The following ZNF831 variants were observed in gnomAD, a reference collection of about 807,000 sequenced individuals.
The protein encoded by ZNF831 is zinc finger protein 831.
Under a neutral mutation model 95.8 loss-of-function variants are expected in ZNF831, and 59 were observed. That is an observed-to-expected ratio of 0.62 (90% confidence interval 0.50 to 0.77). The LOEUF (loss-of-function observed/expected upper bound fraction) is 0.77, where lower values mean the gene tolerates loss of function less well. Among genes scored for constraint, ZNF831 ranks in the 30% least tolerant of loss-of-function variants. The pLI, the probability that ZNF831 is intolerant of heterozygous loss-of-function variation, is 0.00. For synonymous variants in ZNF831, 961 were observed against 925.5 expected, an observed-to-expected ratio of 1.04 and a Z score of -0.70; for missense variants, 2,205 against 2,164.0, an observed-to-expected ratio of 1.02 and a Z score of -0.38.
chr20:59,137,965 C>T (rs1274290667), intron 1 of ZNF831, among the ~76,000 whole-genome samples: 1 of 152,178 alleles, frequency 6.6e-6, no homozygotes, highest in Non-Finnish European at 1.5e-5. Flanking sequence ...TACCTGCTTT[C>T]AGAAATGCAT....
chr20:59,155,084 C>T (rs1279067514), intron 2 of ZNF831, among the ~76,000 whole-genome samples: 1 of 152,188 alleles, frequency 6.6e-6, no homozygotes, highest in Non-Finnish European at 1.5e-5. Context: ...ATTTGCTGGA[C>T]AAGTAACTTG....
chr20:59,238,013 T>C (rs6026775), intron 4 of ZNF831, among the ~76,000 whole-genome samples: 152 of 152,324 alleles, frequency 1.0e-3, no homozygotes, highest in African/African-American at 3.5e-3. Context: ...ATAAGACATA[T>C]TTATGCTAAA....
rs748344994 is a variant in ZNF831, at chr20:59,192,519, C to T, written c.1500C>T (p.Pro500=). 6 of 1,535,422 alleles carry T rather than the reference C, an allele frequency of 3.9e-6. No individual in the cohort carries two copies. Among genetic ancestry groups the T allele is most frequent in the Middle Eastern group, 1.8e-4 (1 of 5,700 alleles). The change falls in exon 2 of 6, where the codon CCC becomes CCT. Residue 500 remains proline (P), a synonymous_variant. Coordinates refer to ENST00000371030, the MANE Select transcript of ZNF831 (RefSeq NM_178457.3). The surrounding 1 kb of genome is among the most constrained non-coding windows in gnomAD (Gnocchi z 5.2). ...TQLSTTVECV[P]VTRSNSLPFV... is the part of the protein sequence containing the mutation. ...TCTCCACCACCGTGGAATGTGTCCC[C>T]GTCACCAGGAGCAACTCGCTGCCCT... is the stretch of plus-strand genomic sequence containing the variant.
At chr20:59,175,951 C>T (rs1223300538) in intron 1 of ZNF831, among the ~76,000 whole-genome samples, 1 of 152,206 alleles carries the variant, frequency 6.6e-6, no homozygotes, top group African/African-American at 2.4e-5. Context: ...TACTCAGCCT[C>T]TGTTGGTACT....
chr20:59,134,265 A>G (rs1431354055), intron 1 of ZNF831, among the ~76,000 whole-genome samples: 3 of 152,172 alleles, frequency 2.0e-5, no homozygotes, highest in Non-Finnish European at 2.9e-5. Context: ...GGCCCAAAGC[A>G]GTCCCTCTAT....
intron 1 of ZNF831, among the ~76,000 whole-genome samples, chr20:59,189,790 C>T (rs543428091): frequency 2.6e-5 from 4 of 152,360 alleles, no homozygotes; most frequent in East Asian, 3.9e-4. Flanking sequence ...GGATTACAGG[C>T]GTGAGCCACC....
At position 59,193,134 on chromosome 20, in the gene ZNF831, T is replaced by C. The variant is rs762733401; in HGVS notation, c.2115T>C (p.Thr705=). The C allele has an allele frequency of 6.3e-7, 1 of 1,579,966 alleles. No individual in the cohort carries two copies. The highest frequency in any genetic ancestry group is 8.6e-7 in the Non-Finnish European group (1 of 1,162,730). ...NPPALEASLV[T]EPTKHGETVA... is the part of the protein sequence containing the mutation. ...CAGCCCTGGAGGCCTCCTTGGTGAC[T>C]GAACCCACTAAGCATGGGGAGACGG... is the stretch of plus-strand genomic sequence containing the variant. Residue 705 remains threonine (T), a synonymous_variant, in exon 2 of 6, where the codon ACT becomes ACC. Coordinates refer to ENST00000371030, the MANE Select transcript of ZNF831 (RefSeq NM_178457.3).
chr20:59,129,863 C>T, intron 1 of ZNF831, among the ~76,000 whole-genome samples: 1 of 152,220 alleles, frequency 6.6e-6, no homozygotes, highest in East Asian at 1.9e-4. Flanking sequence ...TGGTGCATCC[C>T]ATGCTCGTTC....
intron 4 of ZNF831, among the ~76,000 whole-genome samples, chr20:59,223,977 C>G (rs1254325758): frequency 1.3e-5 from 2 of 152,234 alleles, no homozygotes; most frequent in Admixed American, 6.5e-5. Context: ...TCCACCACCC[C>G]CACATCCAGG....
intron 4 of ZNF831, among the ~76,000 whole-genome samples, chr20:59,223,859 C>A (rs1488060172): frequency 2.0e-5 from 3 of 152,196 alleles, no homozygotes; most frequent in African/African-American, 7.2e-5. Flanking sequence ...TGCACACATA[C>A]CCCATCTGGG....
chr20:59,199,115 CT>C (rs1306194157), intron 3 of ZNF831, among the ~76,000 whole-genome samples: 2 of 117,640 alleles, frequency 1.7e-5, no homozygotes, highest in African/African-American at 3.2e-5. Flanking sequence ...ATCTATCTAT[CT>C]ATCTATCTAT....
chr20:59,248,602 G>A (rs1987730276), intron 4 of ZNF831, among the ~76,000 whole-genome samples: 1 of 152,072 alleles, frequency 6.6e-6, no homozygotes, highest in African/African-American at 2.4e-5. Context: ...GAAGACATTT[G>A]GCCAATCTGA....
chr20:59,203,591 A>G (rs978552757), intron 3 of ZNF831, among the ~76,000 whole-genome samples: 1 of 152,240 alleles, frequency 6.6e-6, no homozygotes, highest in Non-Finnish European at 1.5e-5. Context: ...GGACCTTTGC[A>G]TAAAAATCAA....
intron 4 of ZNF831, among the ~76,000 whole-genome samples, chr20:59,240,662 C>G (rs915790206): frequency 4.0e-5 from 6 of 151,804 alleles, no homozygotes; most frequent in Admixed American, 3.9e-4. Flanking sequence ...ATTAGCCGGG[C>G]GTGGTGGCGG....
chr20:59,225,376 C>T (rs140727782), intron 4 of ZNF831, among the ~76,000 whole-genome samples: 226 of 152,240 alleles, frequency 1.5e-3, no homozygotes, highest in African/African-American at 4.5e-3. Flanking sequence ...CTTCTGAGGA[C>T]GCAGGGCATA....
rs749583300 is a variant in ZNF831 at position 59,193,086 on chromosome 20, G to A, written c.2067G>A (p.Thr689=). The A allele has an allele frequency of 6.3e-7, 1 of 1,598,914 alleles. No individual in the cohort carries two copies. The highest frequency in any genetic ancestry group is 8.5e-7 in the Non-Finnish European group (1 of 1,172,622). The change falls in exon 2 of 6, where the codon ACG becomes ACA. Residue 689 remains threonine, a synonymous_variant. Transcript: ENST00000371030. ...PVHEDISAGA[T]PEPWGNPPAL... is the part of the protein sequence containing the mutation. ...ATGAGGACATATCCGCAGGGGCAAC[G>A]CCAGAGCCTTGGGGAAATCCACCAG...
intron 4 of ZNF831, among the ~76,000 whole-genome samples, chr20:59,211,731 G>A (rs949693531): frequency 2.6e-5 from 4 of 151,938 alleles, no homozygotes; most frequent in South Asian, 2.1e-4. Context: ...GACCTGGCGC[G>A]TCCTGGATGG....
At chr20:59,220,014 AAAGAG>A (rs1985973615) in intron 4 of ZNF831, among the ~76,000 whole-genome samples, 1 of 152,152 alleles carries the variant, frequency 6.6e-6, no homozygotes. Flanking sequence ...GAGAGAGAGA[AAAGAG>A]GAGAGGGAGG....
In ZNF831 at chr20:59,137,279, CTTTT is replaced by C. The variant is rs11469830; in HGVS notation, c.-1424-8941_-1424-8938del. On this transcript the variant is annotated intron_variant, in intron 1 of 7. Transcript: ENST00000637017. The stretch of plus-strand genomic sequence containing the variant: ...TGCCTTTAATATGCTTCCAATACAT[CTTTT>C]TTTTTTTTTTGTGATCAATGAAGCG... Among the ~76,000 whole-genome samples, 786 of 149,306 alleles carry C rather than the reference CTTTT, an allele frequency of 5.3e-3. 10 individuals carry two copies. The highest frequency in any genetic ancestry group is 0.018 in the African/African-American group (733 of 40,890).
Sources: gnomAD v4.1 joint callset for allele counts (sites outside exome capture counted in the v4.1 genomes callset) on GRCh38, gnomAD v4.1.1 for gene constraint, Gnocchi (gnomAD v3.1) non-coding constraint, MANE v1.5 for transcripts, NCBI Gene and HGNC (gene_info 2026-07-23, HGNC 2026-07-21) for gene names.